STK24: variants seen among roughly 807,000 people sequenced by gnomAD.
The protein encoded by STK24 is serine/threonine kinase 24.
Under a neutral mutation model 55.6 loss-of-function variants are expected in STK24, and 21 were observed. The ratio of observed to expected loss-of-function variants is 0.38; its 90% CI spans 0.27 to 0.54. The LOEUF is 0.54. Ranked by LOEUF, STK24 falls within the 20% of genes least tolerant of loss-of-function variation. The pLI is 0.79. For missense variants in STK24, 383 were observed against 538.4 expected (o/e 0.71, Z 2.86); for synonymous variants, 200 against 215.2 (o/e 0.93, Z 0.62).
chr13:98,555,571 T>TC (rs1897267363), intron 1 of STK24, among the ~76,000 whole-genome samples: 1 of 151,380 alleles, frequency 6.6e-6, no homozygotes, highest in South Asian at 2.1e-4. Context: ...AGAGTGAGAC[T>TC]CCGTCTCAAT....
At chr13:98,454,499 C>T (rs1455329217) in intron 10 of STK24, 1 of 152,126 alleles carries the variant, frequency 6.6e-6, no homozygotes, top group African/African-American at 2.4e-5. Context: ...TAAGGTCCTC[C>T]CAAAAGCACA....
At chr13:98,544,499 G>C (rs1896980996) in intron 1 of STK24, among the ~76,000 whole-genome samples, 1 of 152,214 alleles carries the variant, frequency 6.6e-6, no homozygotes, top group Admixed American at 6.5e-5. Context: ...ATCCCGCCGG[G>C]TAGAGCAGGC....
chr13:98,495,583 C>A (rs560729217), intron 2 of STK24, among the ~76,000 whole-genome samples: 185 of 152,318 alleles, frequency 1.2e-3, no homozygotes, highest in African/African-American at 4.4e-3. Flanking sequence ...TTCCATTCAA[C>A]TTTCTGGACA....
At chr13:98,462,999 A>C (rs1449800107) in intron 7 of STK24, among the ~76,000 whole-genome samples, 1 of 152,166 alleles carries the variant, frequency 6.6e-6, no homozygotes, top group Non-Finnish European at 1.5e-5. Flanking sequence ...CCTTGGCTTT[A>C]AACTGGAATC....
intron 2 of STK24, among the ~76,000 whole-genome samples, chr13:98,498,216 CTG>C (rs1226163940): frequency 6.6e-6 from 1 of 152,256 alleles, no homozygotes; most frequent in African/African-American, 2.4e-5. Context: ...TAAGTTAACT[CTG>C]TGTATGATCC....
At chr13:98,479,101 C>A (rs1457289843) in intron 3 of STK24, among the ~76,000 whole-genome samples, 2 of 152,194 alleles carry the variant, frequency 1.3e-5, no homozygotes, top group Non-Finnish European at 1.5e-5. Flanking sequence ...GCTACAAAGA[C>A]AGACTGCATT....
At chr13:98,573,477 TC>T (rs1235003276) in intron 1 of STK24, among the ~76,000 whole-genome samples, 2 of 152,178 alleles carry the variant, frequency 1.3e-5, no homozygotes, top group Non-Finnish European at 2.9e-5. Flanking sequence ...TCTATTTTTT[TC>T]CCCTACTGAA....
At chr13:98,475,547 C>T (rs767484614) in intron 3 of STK24, among the ~76,000 whole-genome samples, 189 bp from the exon 4 acceptor site, 1 of 152,100 alleles carries the variant, frequency 6.6e-6, no homozygotes, top group East Asian at 1.9e-4. Context: ...ACAAAGGGCC[C>T]GAGAAAATGG....
intron 5 of STK24, among the ~76,000 whole-genome samples, chr13:98,467,703 C>T (rs961584419): frequency 2.6e-5 from 4 of 152,144 alleles, no homozygotes; most frequent in Non-Finnish European, 5.9e-5. Context: ...GCTGCCCCAC[C>T]TCCTTCTGCC....
chr13:98,521,937 C>T (rs1475487281), intron 1 of STK24: 1 of 1,245,518 alleles, frequency 8.0e-7, no homozygotes, highest in Non-Finnish European at 1.2e-6. Context: ...GCTCTCTGCC[C>T]TTGGCAACAT....
chr13:98,524,131 G>A (rs947441109), intron 1 of STK24, among the ~76,000 whole-genome samples: 2 of 152,162 alleles, frequency 1.3e-5, no homozygotes, highest in African/African-American at 4.8e-5. Context: ...GGATGGAAGA[G>A]CATCTCTTGC....
At chr13:98,574,582 A>G (rs1594681694) in intron 1 of STK24, among the ~76,000 whole-genome samples, 1 of 152,140 alleles carries the variant, frequency 6.6e-6, no homozygotes, top group African/African-American at 2.4e-5. Flanking sequence ...CAAATGATAC[A>G]CTGTTACCAT....
intron 1 of STK24, among the ~76,000 whole-genome samples, chr13:98,544,189 C>T (rs1190774087): frequency 4.6e-5 from 7 of 152,210 alleles, no homozygotes; most frequent in South Asian, 2.1e-4. Context: ...GACTACCTGC[C>T]GGGCACAATG....
At chr13:98,463,609 A>T in intron 7 of STK24, 82 bp downstream of exon 7, 1 of 1,478,034 alleles carries the variant, frequency 6.8e-7, no homozygotes, top group Middle Eastern at 1.8e-4. Flanking sequence ...ACTCAACAGA[A>T]AACGAAACCC....
chr13:98,480,225 C>T (rs968989371), intron 3 of STK24, among the ~76,000 whole-genome samples: 1 of 152,160 alleles, frequency 6.6e-6, no homozygotes, highest in Non-Finnish European at 1.5e-5. Flanking sequence ...TCACAGACTG[C>T]AATTCAAAGA....
intron 2 of STK24, among the ~76,000 whole-genome samples, chr13:98,493,149 G>A (rs536760489): frequency 1.4e-4 from 22 of 152,254 alleles, no homozygotes; most frequent in African/African-American, 4.6e-4. Flanking sequence ...TTAATAAACT[G>A]GAAAGAACAC....
chr13:98,518,465 T>C (rs973880232), intron 2 of STK24, among the ~76,000 whole-genome samples: 2 of 152,126 alleles, frequency 1.3e-5, no homozygotes, highest in African/African-American at 4.8e-5. Context: ...TTTCAGAGCG[T>C]TTTTTTCCCC....
Position 98,448,507 on chromosome 13 carries a change from C to A in STK24, c.*4666G>T. ...AGCGTCTGAATGAACAGCGCTCCCA[C>A]CTCCAGTCCTGGCATCCGCTGGGGG... On this transcript the variant is annotated 3_prime_UTR_variant, in exon 11 of 11. Coordinates refer to ENST00000539966, the MANE Select transcript of STK24 (RefSeq NM_001032296.4). 1 of 585,686 alleles carries A rather than the reference C, an allele frequency of 1.7e-6. No homozygotes were observed. The allele number at this position is 585,686 out of a possible 1,614,324, so 36.3% of individuals were successfully genotyped here. A position where few individuals can be genotyped will look rare whatever the true frequency, so the allele number is the denominator to read the frequency against.
At chr13:98,515,048 A>C (rs991504907) in intron 2 of STK24, among the ~76,000 whole-genome samples, 3 of 151,860 alleles carry the variant, frequency 2.0e-5, no homozygotes, top group Non-Finnish European at 2.9e-5. Context: ...CTAAAAGTGA[A>C]TCTCAATATG....
Sources: gnomAD v4.1 joint callset for allele counts (sites outside exome capture counted in the v4.1 genomes callset) on GRCh38, gnomAD v4.1.1 for gene constraint, MANE v1.5 for transcripts, NCBI Gene and HGNC (gene_info 2026-07-23, HGNC 2026-07-21) for gene names.